The following PAX5 variants were observed in gnomAD, a reference collection of about 807,000 sequenced individuals.
PAX5 encodes the protein paired box protein Pax-5.
A neutral mutation model predicts 43.7 loss-of-function variants in PAX5; 9 were observed. The ratio of observed to expected loss-of-function variants is 0.21; its 90% CI spans 0.12 to 0.36. The LOEUF is 0.36. PAX5 is among the 10% of genes least tolerant of loss of function. The pLI, the probability that PAX5 is intolerant of heterozygous loss-of-function variation, is 1.00. For missense variants in PAX5, 383 were observed against 532.7 expected (o/e 0.72, Z 2.77); for synonymous variants, 228 against 214.3 (o/e 1.06, Z -0.56).
intron 1 of PAX5, among the ~76,000 whole-genome samples, chr9:37,027,905 C>T (rs542915221): frequency 1.5e-4 from 23 of 152,218 alleles, no homozygotes; most frequent in Non-Finnish European, 2.8e-4. Context: ...GCCCAGGCGG[C>T]GGCGCCACGT....
chr9:36,876,289 G>C (rs1273923589), intron 8 of PAX5, among the ~76,000 whole-genome samples: 1 of 152,218 alleles, frequency 6.6e-6, no homozygotes, highest in African/African-American at 2.4e-5. Flanking sequence ...TCAGTTTAGT[G>C]AGTGCCTCAA....
rs1826565241 is a variant in PAX5, at chr9:36,882,828, G to A, written c.911-723C>T. Among the ~76,000 whole-genome samples the A allele has an allele frequency of 6.6e-6, 1 of 152,262 alleles. No individual in the cohort carries two copies. The highest frequency in any genetic ancestry group is 1.5e-5 in the Non-Finnish European group (1 of 68,044). ...ATGGGCGAGTGTCCAGCTCTTTCAG[G>A]CTGCTGTGCTTCTGACCATGAGTCC... On this transcript the variant is annotated intron_variant, in intron 7 of 9. Coordinates refer to ENST00000358127, the MANE Select transcript of PAX5 (RefSeq NM_016734.3). The surrounding 1 kb of genome is among the most constrained non-coding windows in gnomAD (Gnocchi z 4.4).
chr9:37,025,508 G>A (rs1368795079), intron 1 of PAX5, among the ~76,000 whole-genome samples: 3 of 152,216 alleles, frequency 2.0e-5, no homozygotes, highest in Admixed American at 6.5e-5. Flanking sequence ...CAGAGACCCC[G>A]AGCGGCACCC....
At chr9:36,884,808 G>A (rs1379835744) in intron 7 of PAX5, among the ~76,000 whole-genome samples, 6 of 152,144 alleles carry the variant, frequency 3.9e-5, no homozygotes, top group East Asian at 1.9e-4. Context: ...GGACTGTGTC[G>A]ACTCCAGCCT....
chr9:37,015,310 T>A lies in PAX5; in HGVS notation c.213-116A>T. The A allele has an allele frequency of 3.8e-6, 3 of 793,798 alleles. No individual in the cohort carries two copies. The highest frequency in any genetic ancestry group is 4.2e-6 in the Non-Finnish European group (2 of 481,646). The allele number at this position is 793,798 out of a possible 1,614,324, so 49.2% of individuals were successfully genotyped here. Reference sequence around the variant, plus strand: ...TCCGGATCTGCACGTTCCAATACAGTAGCCACCAGCCAGATGCGGCTTTTG... The same window carrying A: ...TCCGGATCTGCACGTTCCAATACAGAAGCCACCAGCCAGATGCGGCTTTTG... On this transcript the variant is annotated intron_variant, in intron 2 of 9. Transcript: ENST00000358127. This position sits in a 1 kb window ranked among gnomAD's most constrained non-coding sequence, Gnocchi z 4.4.
At chr9:36,865,550 C>T (rs1366821244) in intron 8 of PAX5, among the ~76,000 whole-genome samples, 5 of 151,924 alleles carry the variant, frequency 3.3e-5, no homozygotes, top group South Asian at 2.1e-4. Flanking sequence ...GGGAAGGCAG[C>T]GGGAGAGGCT....
At chr9:36,998,962 T>C (rs1837621851) in intron 5 of PAX5, among the ~76,000 whole-genome samples, 1 of 152,254 alleles carries the variant, frequency 6.6e-6, no homozygotes, top group Admixed American at 6.5e-5. Flanking sequence ...ATGTAGTTAC[T>C]AGATCATTTA....
At chr9:36,968,169 C>T (rs535072894) in intron 5 of PAX5, among the ~76,000 whole-genome samples, 1 of 152,188 alleles carries the variant, frequency 6.6e-6, no homozygotes, top group Non-Finnish European at 1.5e-5. Flanking sequence ...TGGGGAAAAC[C>T]AGCGTGGGTC....
rs530212638 is a variant in PAX5, at chr9:36,876,685, AT to A, written c.1012+5318del. On this transcript the variant is annotated intron_variant, in intron 8 of 9. Coordinates refer to ENST00000358127, the MANE Select transcript of PAX5 (RefSeq NM_016734.3). ...TTTTCTGGGACTTGATGGAAATAAA[AT>A]TTGAAAACTGTTTCCTTTCTAAGCT... 2.6e-3 allele frequency among the ~76,000 whole-genome samples: 392 copies of A among 152,350 alleles called. 3 individuals carry two copies. The highest frequency in any genetic ancestry group is 9.2e-3 in the African/African-American group (384 of 41,588).
chr9:36,959,679 C>T (rs1833786038), intron 6 of PAX5, among the ~76,000 whole-genome samples: 1 of 152,212 alleles, frequency 6.6e-6, no homozygotes, highest in Non-Finnish European at 1.5e-5. Flanking sequence ...GTGCTAGCAC[C>T]TCCTAACTCA....
intron 5 of PAX5, among the ~76,000 whole-genome samples, chr9:36,973,140 G>GAAAGGAAAGGAAAGA (rs1564026840): frequency 2.2e-4 from 15 of 69,634 alleles, no homozygotes; most frequent in South Asian, 4.9e-4. Context: ...GAAAGAAAAG[G>GAAAGGAAAGGAAAGA]AAAGGAAAGG....
At chr9:36,994,245 A>G (rs531231884) in intron 5 of PAX5, among the ~76,000 whole-genome samples, 3 of 152,160 alleles carry the variant, frequency 2.0e-5, no homozygotes, top group Admixed American at 2.0e-4. Context: ...CAGGACAGAG[A>G]TCACAGGGGA....
At chr9:36,911,917 C>T (rs933670775) in intron 7 of PAX5, among the ~76,000 whole-genome samples, 2 of 152,198 alleles carry the variant, frequency 1.3e-5, no homozygotes, top group African/African-American at 4.8e-5. Context: ...GTCTGGAGTC[C>T]GTGGGTTCAC....
At chr9:36,897,557 T>A (rs1454549257) in intron 7 of PAX5, among the ~76,000 whole-genome samples, 2 of 149,586 alleles carry the variant, frequency 1.3e-5, no homozygotes, top group Non-Finnish European at 3.0e-5. Context: ...AAAAAAAAAA[T>A]CACTAAATGC....
At chr9:36,853,610 A>G (rs1020674591) in intron 8 of PAX5, among the ~76,000 whole-genome samples, 4 of 152,262 alleles carry the variant, frequency 2.6e-5, no homozygotes, top group Non-Finnish European at 5.9e-5. Context: ...GAGAAAGCAG[A>G]GCCTTAAGAA....
rs1347701885 is a variant in PAX5, at chr9:36,840,029, C to A, written c.*531G>T. On this transcript the variant is annotated 3_prime_UTR_variant, in exon 10 of 10. Coordinates refer to ENST00000358127, the MANE Select transcript of PAX5 (RefSeq NM_016734.3). Reference sequence around the variant, plus strand: ...CATCTTGAGGACAGCTCTGAGCGCACCTGCCAGGGTCACCCAGGGCAGAGA... The same window carrying A: ...CATCTTGAGGACAGCTCTGAGCGCAACTGCCAGGGTCACCCAGGGCAGAGA... The A allele has an allele frequency of 8.0e-6, 2 of 251,150 alleles. No individual in the cohort carries two copies. Among genetic ancestry groups the A allele is most frequent in the East Asian group, 1.2e-4 (2 of 16,964 alleles). The allele number at this position is 251,150 out of a possible 1,614,324, so 15.6% of individuals were successfully genotyped here.
At chr9:36,895,986 T>C (rs1438875983) in intron 7 of PAX5, among the ~76,000 whole-genome samples, 1 of 152,084 alleles carries the variant, frequency 6.6e-6, no homozygotes. Context: ...ACCCCGCACT[T>C]CCTCACTGTG....
At chr9:36,859,726 C>T (rs78362088) in intron 8 of PAX5, among the ~76,000 whole-genome samples, 6,034 of 152,248 alleles carry the variant, frequency 0.04, 275 homozygotes, top group East Asian at 0.14. Flanking sequence ...GGCTGTCAAG[C>T]CTTGCTGCAC....
At chr9:36,975,394 TTTG>T (rs1835335532) in intron 5 of PAX5, among the ~76,000 whole-genome samples, 5 of 151,660 alleles carry the variant, frequency 3.3e-5, no homozygotes, top group Admixed American at 6.6e-5. Context: ...TTCTTTTTTT[TTTG>T]TTTTTTGAGA....
Sources: allele counts gnomAD v4.1 joint callset (sites outside exome capture counted in the v4.1 genomes callset), GRCh38; gene constraint gnomAD v4.1.1; non-coding constraint Gnocchi (gnomAD v3.1); transcripts MANE v1.5; gene names NCBI Gene and HGNC (gene_info 2026-07-23, HGNC 2026-07-21).